SOX5: variants seen among roughly 807,000 people sequenced by gnomAD.
SOX5 encodes the protein SRY-box transcription factor 5, also known as transcription factor SOX-5.
SOX5 carries 9 observed loss-of-function variants against 92.0 expected under a neutral mutation model. That is an observed-to-expected ratio of 0.10 (90% CI 0.06 to 0.17). SOX5 has a LOEUF of 0.17. SOX5 is among the 10% of genes least tolerant of loss of function. The probability of loss-of-function intolerance (pLI) is 1.00; values close to 1 mark genes in which losing one functional copy is unlikely to be tolerated. For missense variants in SOX5, 642 were observed against 944.5 expected, an observed-to-expected ratio of 0.68 and a Z score of 4.20; for synonymous variants, 344 against 336.3, an observed-to-expected ratio of 1.02 and a Z score of -0.25.
intron 3 of SOX5, among the ~76,000 whole-genome samples, chr12:23,801,109 T>G (rs2095652412): frequency 6.6e-6 from 1 of 152,178 alleles, no homozygotes; most frequent in African/African-American, 2.4e-5. Context: ...GGAAGTCTTG[T>G]TACTTGTCTG....
At chr12:24,125,105 C>G (rs151209137) in intron 4 of SOX5, among the ~76,000 whole-genome samples, 9 of 152,234 alleles carry the variant, frequency 5.9e-5, no homozygotes, top group Admixed American at 2.6e-4. Context: ...TATATAAAAA[C>G]CCTTATTTTC....
At chr12:24,043,369 T>C (rs185991549) in intron 4 of SOX5, among the ~76,000 whole-genome samples, 10 of 152,332 alleles carry the variant, frequency 6.6e-5, no homozygotes, top group Admixed American at 6.5e-4. Context: ...CCTGAATTAA[T>C]TTCCCTTTTG....
intron 3 of SOX5, among the ~76,000 whole-genome samples, chr12:24,247,125 C>T (rs1261105050): frequency 2.6e-5 from 4 of 152,128 alleles, no homozygotes; most frequent in Non-Finnish European, 5.9e-5. Flanking sequence ...AATATATTTC[C>T]TGAGTGCCTC....
intron 1 of SOX5, among the ~76,000 whole-genome samples, chr12:24,497,133 G>T (rs1230546410): frequency 6.6e-6 from 1 of 152,168 alleles, no homozygotes; most frequent in Non-Finnish European, 1.5e-5. Context: ...CTAGGCTATG[G>T]TTTCTCATAT....
chr12:24,037,494 C>A (rs16927028), intron 4 of SOX5, among the ~76,000 whole-genome samples: 12,028 of 152,074 alleles, frequency 0.079, 844 homozygotes, highest in African/African-American at 0.19. Flanking sequence ...AGAAAAAAGC[C>A]ACCTGCCCAT....
rs145772080 is a variant in SOX5, at chr12:24,313,422, C to G, written c.-173-36110G>C. Among the ~76,000 whole-genome samples the G allele has an allele frequency of 3.1e-3, 466 of 152,224 alleles. 7 individuals carry two copies. The highest frequency in any genetic ancestry group is 0.011 in the African/African-American group (449 of 41,514). ...ACATGTGCCTGTATTCCCAGCTACTCAGAAGGCTGAGGTGGAAGGATCACT... is the reference window on the plus strand; with the variant it reads ...ACATGTGCCTGTATTCCCAGCTACTGAGAAGGCTGAGGTGGAAGGATCACT... On this transcript the variant is annotated intron_variant, in intron 2 of 4. Coordinates refer to the SOX5 transcript ENST00000446891.
intron 5 of SOX5, 45 bp from the exon 6 acceptor site, chr12:23,734,797 C>T: frequency 1.1e-5 from 16 of 1,487,798 alleles, no homozygotes; most frequent in Non-Finnish European, 1.5e-5. Context: ...ATATTGTAGT[C>T]CCGGAGGGAA....
intron 1 of SOX5, among the ~76,000 whole-genome samples, chr12:23,903,649 A>G (rs1319648809): frequency 6.6e-6 from 1 of 152,216 alleles, no homozygotes; most frequent in Non-Finnish European, 1.5e-5. Flanking sequence ...CTGAATATGA[A>G]TATGCAAAGC....
chr12:23,896,714 T>TAAAAAAAAAAAAAAAAAAGAAA (rs11306331), intron 1 of SOX5, among the ~76,000 whole-genome samples: 1 of 123,830 alleles, frequency 8.1e-6, no homozygotes, highest in African/African-American at 3.0e-5. Context: ...TGCAAGGTAG[T>TAAAAAAAAAAAAAAAAAAGAAA]AAAAAAAAAA....
intron 1 of SOX5, among the ~76,000 whole-genome samples, chr12:24,452,633 A>G (rs567217427): frequency 6.6e-6 from 1 of 152,308 alleles, no homozygotes; most frequent in East Asian, 1.9e-4. Flanking sequence ...TCCAGGTTCA[A>G]TGTTGAAGTG....
intron 2 of SOX5, among the ~76,000 whole-genome samples, chr12:24,329,641 C>T (rs926690370): frequency 2.0e-5 from 3 of 152,154 alleles, no homozygotes; most frequent in Non-Finnish European, 4.4e-5. Context: ...CATGGGAATA[C>T]AAAAGCATGA....
At chr12:24,068,704 GTATATATATATATATATATATATATA>G (rs1164844032) in intron 4 of SOX5, among the ~76,000 whole-genome samples, 4 of 74,326 alleles carry the variant, frequency 5.4e-5, no homozygotes, top group South Asian at 6.0e-4. Context: ...GTGTGTGTGT[GTATATATATATATATATATATATATA>G]TATATATATA....
chr12:24,515,761 C>T (rs1949723822), intron 1 of SOX5, among the ~76,000 whole-genome samples: 1 of 152,106 alleles, frequency 6.6e-6, no homozygotes, highest in Admixed American at 6.6e-5. Flanking sequence ...TATACATTTC[C>T]CCGATTTTTC....
At chr12:24,526,872 C>T (rs568225590) in intron 1 of SOX5, among the ~76,000 whole-genome samples, 35 of 151,670 alleles carry the variant, frequency 2.3e-4, no homozygotes, top group Non-Finnish European at 4.3e-4. Flanking sequence ...GACTGGAGTG[C>T]AGTGATGCAG....
At chr12:23,695,913 C>G (rs1273892920) in intron 6 of SOX5, among the ~76,000 whole-genome samples, 3 of 109,432 alleles carry the variant, frequency 2.7e-5, no homozygotes, top group East Asian at 6.3e-4. Flanking sequence ...TGCACTCCAG[C>G]TTGGGTGACA....
intron 3 of SOX5, among the ~76,000 whole-genome samples, chr12:24,220,580 C>G (rs146355793): frequency 1.3e-5 from 2 of 151,546 alleles, no homozygotes; most frequent in Non-Finnish European, 2.9e-5. Flanking sequence ...ATTATTTAAA[C>G]GGGGCAAAAA....
intron 4 of SOX5, among the ~76,000 whole-genome samples, chr12:23,967,502 A>G (rs1947737567): frequency 6.6e-6 from 1 of 152,118 alleles, no homozygotes; most frequent in African/African-American, 2.4e-5. Flanking sequence ...TAAGATAGAT[A>G]TAAAATCTAT....
At chr12:23,565,963 C>T (rs1947006078) in intron 10 of SOX5, among the ~76,000 whole-genome samples, 1 of 152,174 alleles carries the variant, frequency 6.6e-6, no homozygotes, top group Non-Finnish European at 1.5e-5. Context: ...TGAACTCTCA[C>T]CTTCCTGACC....
chr12:24,437,806 A>G (rs1001813655), intron 1 of SOX5, among the ~76,000 whole-genome samples: 1 of 152,236 alleles, frequency 6.6e-6, no homozygotes, highest in African/African-American at 2.4e-5. Flanking sequence ...GGACATGGAG[A>G]AATAGGAATG....
Sources: gnomAD v4.1 joint callset for allele counts (sites outside exome capture counted in the v4.1 genomes callset) on GRCh38, gnomAD v4.1.1 for gene constraint, MANE v1.5 for transcripts, NCBI Gene and HGNC (gene_info 2026-07-23, HGNC 2026-07-21) for gene names.